CACNA2D3: variants seen among roughly 807,000 people sequenced by gnomAD.
The protein encoded by CACNA2D3 is voltage-dependent calcium channel subunit alpha-2/delta-3.
CACNA2D3 carries 60 observed loss-of-function variants against 160.6 expected under a neutral mutation model. The ratio of observed to expected loss-of-function variants is 0.37; its 90% CI spans 0.30 to 0.46. The LOEUF (loss-of-function observed/expected upper bound fraction) is 0.46, where lower values mean the gene tolerates loss of function less well. CACNA2D3 is among the 20% of genes least tolerant of loss of function. The probability of loss-of-function intolerance (pLI) is 1.00; values close to 1 mark genes in which losing one functional copy is unlikely to be tolerated. For missense variants in CACNA2D3, 1,205 were observed against 1,365.0 expected (o/e 0.88, Z 1.85); for synonymous variants, 558 against 492.9 (o/e 1.13, Z -1.75).
chr3:54,832,032 C>T (rs1369703861), intron 14 of CACNA2D3, among the ~76,000 whole-genome samples: 5 of 150,414 alleles, frequency 3.3e-5, no homozygotes, highest in East Asian at 2.0e-4. Context: ...CACACACACA[C>T]ACACACACAC....
At chr3:54,802,175 T>C (rs962229964) in intron 13 of CACNA2D3, among the ~76,000 whole-genome samples, 1 of 152,078 alleles carries the variant, frequency 6.6e-6, no homozygotes, top group Non-Finnish European at 1.5e-5. Context: ...GCCATGCAAC[T>C]GGGAGAGGTC....
At chr3:54,226,684 AC>A (rs1417079772) in intron 2 of CACNA2D3, among the ~76,000 whole-genome samples, 1 of 151,898 alleles carries the variant, frequency 6.6e-6, no homozygotes, top group Non-Finnish European at 1.5e-5. Flanking sequence ...CTGTCTTCCA[AC>A]CCTGCTAGTC....
intron 35 of CACNA2D3, among the ~76,000 whole-genome samples, chr3:55,063,661 G>A (rs1036289252): frequency 1.3e-5 from 2 of 152,070 alleles, no homozygotes; most frequent in African/African-American, 2.4e-5. Context: ...GGTTGAACAC[G>A]TCAGGCTGGA....
intron 13 of CACNA2D3, 103 bp from the exon 14 acceptor site, chr3:54,816,750 G>C: frequency 3.0e-6 from 4 of 1,342,444 alleles, no homozygotes; most frequent in Non-Finnish European, 4.1e-6. Context: ...CCCCATTTTG[G>C]TTTCTCCATT....
At chr3:54,613,810 C>G in intron 9 of CACNA2D3, among the ~76,000 whole-genome samples, 1 of 152,218 alleles carries the variant, frequency 6.6e-6, no homozygotes, top group African/African-American at 2.4e-5. Context: ...TTCCTCCTAC[C>G]CCGGAGCCTT....
At chr3:54,969,603 A>G (rs1044796122) in intron 28 of CACNA2D3, among the ~76,000 whole-genome samples, 197 bp from the exon 29 acceptor site, 2 of 152,128 alleles carry the variant, frequency 1.3e-5, no homozygotes, top group African/African-American at 4.8e-5. Flanking sequence ...TTACATTACT[A>G]CTTGGAATTG....
intron 2 of CACNA2D3, 90 bp downstream of exon 2, chr3:54,123,684 G>C: frequency 2.0e-6 from 2 of 1,016,006 alleles, no homozygotes; most frequent in South Asian, 2.5e-5. Flanking sequence ...TGAGCCCCGA[G>C]CAGCATCAGT....
chr3:54,914,849 T>G (rs1376359456), intron 27 of CACNA2D3, among the ~76,000 whole-genome samples: 1 of 152,192 alleles, frequency 6.6e-6, no homozygotes, highest in Non-Finnish European at 1.5e-5. Flanking sequence ...CAGGGATGGG[T>G]TTTCCCAAAC....
chr3:55,004,971 TAA>T (rs56926640), intron 32 of CACNA2D3, 133 bp downstream of exon 32: 6,380 of 493,318 alleles, frequency 0.013, no homozygotes, highest in South Asian at 0.018. Flanking sequence ...TTTACTCACT[TAA>T]AAAAAAAAAA....
chr3:54,210,454 G>A (rs1329302202), intron 2 of CACNA2D3, among the ~76,000 whole-genome samples: 1 of 152,222 alleles, frequency 6.6e-6, no homozygotes, highest in South Asian at 2.1e-4. Flanking sequence ...GTGTGTGTGT[G>A]TGTGTGTTTA....
intron 5 of CACNA2D3, among the ~76,000 whole-genome samples, chr3:54,549,538 C>T (rs1242341413): frequency 1.3e-5 from 2 of 152,230 alleles, no homozygotes; most frequent in Non-Finnish European, 2.9e-5. Flanking sequence ...ATCCCCTGAT[C>T]TCCCTGCGTG....
chr3:54,915,282 C>T (rs974852348), intron 27 of CACNA2D3, among the ~76,000 whole-genome samples: 12 of 152,136 alleles, frequency 7.9e-5, no homozygotes, highest in African/African-American at 2.9e-4. Context: ...TCTTCATGCC[C>T]CCTTTTTTTA....
intron 2 of CACNA2D3, among the ~76,000 whole-genome samples, chr3:54,274,576 T>C (rs1223867105): frequency 6.6e-6 from 1 of 152,218 alleles, no homozygotes; most frequent in Non-Finnish European, 1.5e-5. Flanking sequence ...TTGCAAAAAT[T>C]ACTATTGCAA....
intron 13 of CACNA2D3, among the ~76,000 whole-genome samples, chr3:54,792,108 G>A (rs983443209): frequency 6.6e-6 from 1 of 152,178 alleles, no homozygotes; most frequent in Non-Finnish European, 1.5e-5. Flanking sequence ...TCCATGGTTC[G>A]TGACAGCTCC....
rs545796415 is a variant in CACNA2D3, at chr3:54,559,437, C to T, written c.545-3363C>T. Among the ~76,000 whole-genome samples the T allele has an allele frequency of 5.3e-5, 8 of 152,168 alleles. No homozygotes were observed. The South Asian group carries it at 1.0e-3, about 20-fold the overall frequency. Reference sequence around the variant, plus strand: ...CCTCCCAAGTAGCTGGGACTACAGACGCCCGCCACCACGCCCAGCTAGTTT... The same window carrying T: ...CCTCCCAAGTAGCTGGGACTACAGATGCCCGCCACCACGCCCAGCTAGTTT... On this transcript the variant is annotated intron_variant, in intron 5 of 37. Coordinates refer to ENST00000474759, the MANE Select transcript of CACNA2D3 (RefSeq NM_018398.3).
chr3:54,125,344 C>G (rs1036221706), intron 2 of CACNA2D3, among the ~76,000 whole-genome samples: 1 of 152,092 alleles, frequency 6.6e-6, no homozygotes, highest in Admixed American at 6.5e-5. Flanking sequence ...TGAAATGCTT[C>G]TCTTACCTTC....
rs550868654 is a variant in CACNA2D3, at chr3:55,043,567, T to G, written c.2987+25250T>G. Among the ~76,000 whole-genome samples, 8 of 152,276 alleles carry G rather than the reference T, an allele frequency of 5.3e-5. No individual in the cohort carries two copies. In the South Asian group the frequency reaches 1.7e-3, roughly 32 times the overall value. On this transcript the variant is annotated intron_variant, in intron 35 of 37. Transcript: ENST00000474759. ...TTTGTATATTCTAGATACAAATCCT[T>G]TGTAAAAACATGGCCTGCAGCTTGT...
At chr3:54,595,313 GGTGTGTGT>G (rs71637562) in intron 9 of CACNA2D3, among the ~76,000 whole-genome samples, 1 of 132,204 alleles carries the variant, frequency 7.6e-6, no homozygotes, top group Non-Finnish European at 1.6e-5. Context: ...CTGTGTGTGT[GGTGTGTGT>G]GTGTGTGTGT....
chr3:54,654,781 A>G (rs992536077), intron 11 of CACNA2D3, among the ~76,000 whole-genome samples: 3 of 152,126 alleles, frequency 2.0e-5, no homozygotes, highest in Non-Finnish European at 4.4e-5. Context: ...CTGGCGAGCT[A>G]CCACCTAGGT....
Sources: allele counts gnomAD v4.1 joint callset (sites outside exome capture counted in the v4.1 genomes callset), GRCh38; gene constraint gnomAD v4.1.1; transcripts MANE v1.5; gene names NCBI Gene and HGNC (gene_info 2026-07-23, HGNC 2026-07-21).